The following CD200 variants were observed in gnomAD, a reference collection of about 807,000 sequenced individuals.
CD200 encodes OX-2 membrane glycoprotein.
A neutral mutation model predicts 30.9 loss-of-function variants in CD200; 15 were observed. The ratio of observed to expected loss-of-function variants is 0.49; its 90% CI spans 0.32 to 0.75. CD200 has a LOEUF of 0.75. CD200 is among the 30% of genes least tolerant of loss of function. The pLI is 0.03. For synonymous variants in CD200, 134 were observed against 126.2 expected, an observed-to-expected ratio of 1.06 and a Z score of -0.41; for missense variants, 262 against 324.2, an observed-to-expected ratio of 0.81 and a Z score of 1.47.
At chr3:112,334,018 G>T (rs758778087) in intron 1 of CD200, 2 of 985,238 alleles carry the variant, frequency 2.0e-6, no homozygotes, top group African/African-American at 3.5e-5. Flanking sequence ...TTCATGTATG[G>T]TTTGTTGGCA....
At chr3:112,332,955 C>T, upstream of CD200, 1 of 553,460 alleles carries the variant, frequency 1.8e-6, no homozygotes, top group Non-Finnish European at 3.2e-6. Flanking sequence ...TTGTCAGTTT[C>T]CCCAGCGGTC....
At chr3:112,348,971 CA>C (rs112392471) in intron 4 of CD200, among the ~76,000 whole-genome samples, 19,214 of 151,688 alleles carry the variant, frequency 0.13, 1,513 homozygotes, top group South Asian at 0.27. Context: ...GAACATTTAC[CA>C]AAAAACTTCC....
At chr3:112,350,822 A>G (rs1348495709) in intron 5 of CD200, among the ~76,000 whole-genome samples, 1 of 151,952 alleles carries the variant, frequency 6.6e-6, no homozygotes, top group Non-Finnish European at 1.5e-5. Context: ...TTTTAGTTTT[A>G]TGTTTATATT....
At position 112,342,378 on chromosome 3, in the gene CD200, T is replaced by C. The variant is rs953288354; in HGVS notation, c.94+1395T>C. 3.6e-3 allele frequency among the ~76,000 whole-genome samples: 178 copies of C among 49,410 alleles called. 2 individuals are homozygous for C. Among genetic ancestry groups the C allele is most frequent in the Middle Eastern group, 8.6e-3 (1 of 116 alleles). The allele number at this position is 49,410 out of a possible 152,430, so 32.4% of individuals were successfully genotyped here. A position where few individuals can be genotyped will look rare whatever the true frequency, so the allele number is the denominator to read the frequency against. On this transcript the variant is annotated intron_variant, in intron 2 of 5. Coordinates refer to ENST00000315711, the MANE Select transcript of CD200 (RefSeq NM_005944.7). Reference sequence around the variant, plus strand: ...CTTTCTTTCTTTCTTTCTTTCTTTCTTTCTTTCTTTCTTTCTTTCTTTCTT... The same window carrying C: ...CTTTCTTTCTTTCTTTCTTTCTTTCCTTCTTTCTTTCTTTCTTTCTTTCTT...
chr3:112,352,013 C>T (rs997513499), intron 5 of CD200, among the ~76,000 whole-genome samples: 2 of 152,178 alleles, frequency 1.3e-5, no homozygotes, highest in Admixed American at 1.3e-4. Context: ...CCCTTAAACA[C>T]CTCCCATTAA....
At chr3:112,335,513 G>A (rs1045969708) in intron 1 of CD200, among the ~76,000 whole-genome samples, 2 of 152,208 alleles carry the variant, frequency 1.3e-5, no homozygotes, top group African/African-American at 4.8e-5. Flanking sequence ...TAAGGAAAAA[G>A]CAACTTACAT....
rs1395580321 is a variant in CD200, at chr3:112,333,205, G to C, written c.-8G>C. Reference sequence around the variant, plus strand: ...TCAGCCACCTCGCGCGCGCCTCCAGGAGCAAGGATGGAGAGGCTGGTGAGC... The same window carrying C: ...TCAGCCACCTCGCGCGCGCCTCCAGCAGCAAGGATGGAGAGGCTGGTGAGC... On this transcript the variant is annotated 5_prime_UTR_variant, in exon 1 of 6. Coordinates refer to ENST00000315711, the MANE Select transcript of CD200 (RefSeq NM_005944.7). 1 of 1,549,960 alleles carries C rather than the reference G, an allele frequency of 6.5e-7. No homozygotes were observed. Among genetic ancestry groups the C allele is most frequent in the East Asian group, 2.4e-5 (1 of 40,864 alleles).
At chr3:112,347,387 A>AT (rs2081422439) in intron 3 of CD200, 171 bp from the exon 4 acceptor site, 1 of 187,330 alleles carries the variant, frequency 5.3e-6, no homozygotes, top group African/African-American at 2.4e-5. Flanking sequence ...AGATCAGAAA[A>AT]TTAGACACAA....
rs1157823395 is a variant in CD200, at chr3:112,347,623, A to G, written c.487A>G (p.Thr163Ala). 1.2e-6 allele frequency: 2 copies of G among 1,614,020 alleles called. No homozygotes were observed. The highest frequency in any genetic ancestry group is 2.2e-5 in the South Asian group (2 of 91,082). Reference protein sequence around the residue: ...EDHLNITCSATARPAPMVFWK... With the variant: ...EDHLNITCSAAARPAPMVFWK... Reference sequence around the variant, plus strand: ...CCACCTAAATATCACTTGCTCTGCCACTGCCCGCCCAGCCCCCATGGTCTT... The same window carrying G: ...CCACCTAAATATCACTTGCTCTGCCGCTGCCCGCCCAGCCCCCATGGTCTT... The change falls in exon 4 of 6, where the codon ACT (threonine) becomes GCT (alanine). Residue 163 changes from threonine to alanine, a missense_variant. By Grantham distance (58) the Thr-to-Ala change is moderately conservative. Transcript: ENST00000315711.
chr3:112,347,519 G>A (rs753836097), intron 3 of CD200, 39 bp from the exon 4 acceptor site: 1 of 1,600,706 alleles, frequency 6.2e-7, no homozygotes, highest in South Asian at 1.1e-5. Flanking sequence ...CAGACCAGGT[G>A]CTTAACTGAT....
At chr3:112,344,390 AAAGCTTC>A (rs2081336175) in intron 2 of CD200, among the ~76,000 whole-genome samples, 1 of 152,206 alleles carries the variant, frequency 6.6e-6, no homozygotes, top group Admixed American at 6.5e-5. Context: ...TTTGTGTGCC[AAAGCTTC>A]AAGATCCTCC....
chr3:112,342,453 C>G (rs1004136564), intron 2 of CD200, among the ~76,000 whole-genome samples: 1 of 147,100 alleles, frequency 6.8e-6, no homozygotes, highest in African/African-American at 2.5e-5. Context: ...TATGAAATTT[C>G]ACTCTGTCAC....
intron 2 of CD200, among the ~76,000 whole-genome samples, chr3:112,343,923 T>C (rs2081325743): frequency 6.6e-6 from 1 of 152,210 alleles, no homozygotes; most frequent in African/African-American, 2.4e-5. Context: ...ACTTATTGAA[T>C]TTTTCCTTAA....
chr3:112,333,740 T>G (rs2081050794), intron 1 of CD200: 1 of 985,326 alleles, frequency 1.0e-6, no homozygotes, highest in African/African-American at 1.7e-5. Flanking sequence ...ATGCAGCCCC[T>G]TTCTCCCTCC....
At chr3:112,340,682 A>G (rs1339826213) in intron 1 of CD200, among the ~76,000 whole-genome samples, 1 of 152,156 alleles carries the variant, frequency 6.6e-6, no homozygotes, top group East Asian at 1.9e-4. Context: ...AGGCATTGCT[A>G]TTGTGTTGAA....
chr3:112,347,897 T>A (rs1385688178), intron 4 of CD200, 67 bp downstream of exon 4: 52 of 1,420,632 alleles, frequency 3.7e-5, no homozygotes, highest in Non-Finnish European at 5.0e-5. Context: ...GCAGTGAATG[T>A]CCTGCAGAGG....
At chr3:112,352,522 A>G (rs946608401) in intron 5 of CD200, among the ~76,000 whole-genome samples, 5 of 142,624 alleles carry the variant, frequency 3.5e-5, no homozygotes, top group South Asian at 2.3e-4. Context: ...CAGAAACACT[A>G]AAGTGAAGAG....
At chr3:112,342,424 TCTTTC>T (rs2081289181) in intron 2 of CD200, among the ~76,000 whole-genome samples, 6 of 91,394 alleles carry the variant, frequency 6.6e-5, no homozygotes, top group Non-Finnish European at 1.1e-4. Context: ...TTTCTTTCTT[TCTTTC>T]TTCTCTCTCT....
At chr3:112,340,402 C>G (rs2081212128) in intron 1 of CD200, among the ~76,000 whole-genome samples, 2 of 152,178 alleles carry the variant, frequency 1.3e-5, no homozygotes, top group Admixed American at 6.5e-5. Context: ...CTTTTTAAAA[C>G]ATGCGGTTTA....
Sources: gnomAD v4.1 joint callset for allele counts (sites outside exome capture counted in the v4.1 genomes callset) on GRCh38, gnomAD v4.1.1 for gene constraint, MANE v1.5 for transcripts, NCBI Gene and HGNC (gene_info 2026-07-23, HGNC 2026-07-21) for gene names.